Variants in GLS observed in about 807,000 individuals in gnomAD.
GLS encodes the protein glutaminase, also known as glutaminase kidney isoform, mitochondrial.
In GLS, 36 loss-of-function variants were observed where a neutral mutation model predicts 86.7. That is an observed-to-expected ratio of 0.42 (90% CI 0.32 to 0.55). GLS has a LOEUF of 0.55. GLS is among the 20% of genes least tolerant of loss of function. GLS has a pLI of 0.17. For synonymous variants in GLS, 317 were observed against 305.9 expected (o/e 1.04, Z -0.38); for missense variants, 528 against 833.4 (o/e 0.63, Z 4.51).
intron 14 of GLS, among the ~76,000 whole-genome samples, chr2:190,952,402 T>C (rs997910480): frequency 2.0e-5 from 3 of 152,214 alleles, no homozygotes; most frequent in Non-Finnish European, 2.9e-5. Flanking sequence ...AAGAGGGGGA[T>C]TGAATATTTT....
Position 190,895,936 on chromosome 2 carries a change from A to G in GLS, c.605+211A>G. ...TCTTTCTTTAAATCTGTTCTAAGCA[A>G]ATTTAGCCACCGATGTTTCCAGTTT... On this transcript the variant is annotated intron_variant, in intron 3 of 17. Transcript: ENST00000320717. The surrounding 1 kb of genome is among the most constrained non-coding windows in gnomAD (Gnocchi z 4.2). 1 of 334,108 alleles carries G rather than the reference A, an allele frequency of 3.0e-6. No individual in the cohort carries two copies. The highest frequency in any genetic ancestry group is 5.6e-6 in the Non-Finnish European group (1 of 178,692). The allele number at this position is 334,108 out of a possible 1,614,324, so 20.7% of individuals were successfully genotyped here. A position where few individuals can be genotyped will look rare whatever the true frequency, so the allele number is the denominator to read the frequency against.
In GLS at chr2:190,881,040, C is replaced by T; in HGVS notation, c.-45C>T. On this transcript the variant is annotated 5_prime_UTR_variant, in exon 1 of 18. Transcript: ENST00000320717. ...CCCGAGGAAACCGGCCGCCCACGCC[C>T]GGAGCATCCTCCCCTGTTGAGCGGG... 4.6e-6 allele frequency: 7 copies of T among 1,525,476 alleles called. No individual in the cohort carries two copies. The South Asian group carries it at 4.8e-5, about 10-fold the overall frequency. The allele number at this position is 1,525,476 out of a possible 1,614,324, so 94.5% of individuals were successfully genotyped here.
intron 14 of GLS, among the ~76,000 whole-genome samples, chr2:190,941,144 A>G (rs560634656): frequency 6.6e-6 from 1 of 152,296 alleles, no homozygotes; most frequent in East Asian, 1.9e-4. Flanking sequence ...TAGGATATGC[A>G]GTGAGTGGTT....
In GLS at chr2:190,954,876, A is replaced by T; in HGVS notation, c.1853+58A>T. Reference sequence around the variant, plus strand: ...GTATTTTATTATGCAGGACTGTAATATTCAAGTGATGATAATATTTCAACC... The same window carrying T: ...GTATTTTATTATGCAGGACTGTAATTTTCAAGTGATGATAATATTTCAACC... On this transcript the variant is annotated intron_variant, in intron 17 of 17. Transcript: ENST00000320717. The surrounding 1 kb of genome is among the most constrained non-coding windows in gnomAD (Gnocchi z 4.0). 1 of 1,104,428 alleles carries T rather than the reference A, an allele frequency of 9.1e-7. No homozygotes were observed. The highest frequency in any genetic ancestry group is 1.3e-6 in the Non-Finnish European group (1 of 752,624). 68.4% of individuals were successfully genotyped at this position (1,104,428 alleles called of 1,614,324 possible).
At chr2:190,944,249 GT>G (rs1298275967) in intron 14 of GLS, among the ~76,000 whole-genome samples, 9 of 147,956 alleles carry the variant, frequency 6.1e-5, no homozygotes, top group African/African-American at 2.2e-4. Flanking sequence ...TTCTCTTCCT[GT>G]CTTAAATTCG....
Position 190,905,410 on chromosome 2 carries a change from G to A in GLS, c.979+243G>A. 2.7e-6 allele frequency: 1 copy of A among 367,202 alleles called. No homozygotes were observed. Among genetic ancestry groups the A allele is most frequent in the Non-Finnish European group, 4.9e-6 (1 of 202,648 alleles). The allele number at this position is 367,202 out of a possible 1,614,324, so 22.7% of individuals were successfully genotyped here. A position where few individuals can be genotyped will look rare whatever the true frequency, so the allele number is the denominator to read the frequency against. The stretch of plus-strand genomic sequence containing the variant: ...TCATAACCACCTTTAGGGAAATATA[G>A]CGAAATCTCAAAATACATGAGATTT... On this transcript the variant is annotated intron_variant, in intron 6 of 17. Transcript: ENST00000320717. This position sits in a 1 kb window ranked among gnomAD's most constrained non-coding sequence, Gnocchi z 4.6.
rs1055946142 is a variant in GLS at position 190,880,827 on chromosome 2, G to A, written c.-258G>A. On this transcript the variant is annotated 5_prime_UTR_variant, in exon 1 of 18. Transcript: ENST00000320717. ...TCCCCTGCGCTTTAGCCTCAGTGCG[G>A]AGCCTTAGGCGGAGCGAAGAGAACC... The A allele has an allele frequency of 5.3e-5, 39 of 738,724 alleles. No individual in the cohort carries two copies. The highest frequency in any genetic ancestry group is 4.9e-4 in the African/African-American group (28 of 56,862). The allele number at this position is 738,724 out of a possible 1,614,324, so 45.8% of individuals were successfully genotyped here.
At chr2:190,932,588 A>C (rs768825248) in intron 14 of GLS, 9 of 622,436 alleles carry the variant, frequency 1.4e-5, no homozygotes, top group South Asian at 9.2e-5. Context: ...ACATGAAGCA[A>C]AATGTCAGAG....
At chr2:190,881,689 C>A (rs1057349434) in intron 1 of GLS, 4 of 460,518 alleles carry the variant, frequency 8.7e-6, no homozygotes, top group Non-Finnish European at 1.5e-5. Flanking sequence ...CTTCCCTTCT[C>A]CGCCCCCGGC....
intron 1 of GLS, chr2:190,881,819 G>T: frequency 4.7e-6 from 1 of 212,296 alleles, no homozygotes; most frequent in Non-Finnish European, 9.4e-6. Context: ...CGGCTGCAGC[G>T]CCTGGCCGCC....
intron 12 of GLS, 172 bp downstream of exon 12, chr2:190,927,654 CAGATGTTCTTA>C (rs2124908960): frequency 1.9e-6 from 1 of 523,058 alleles, no homozygotes; most frequent in South Asian, 2.6e-5. Flanking sequence ...TAAGGTCTAC[CAGATGTTCTTA>C]AGAACTTGGA....
At chr2:190,922,175 G>A (rs183810591) in intron 9 of GLS, among the ~76,000 whole-genome samples, 79 of 152,080 alleles carry the variant, frequency 5.2e-4, no homozygotes, top group African/African-American at 1.9e-3. Flanking sequence ...ACAATATGAG[G>A]GTGTGTTATA....
At chr2:190,948,510 G>C (rs553433772) in intron 14 of GLS, among the ~76,000 whole-genome samples, 2 of 152,278 alleles carry the variant, frequency 1.3e-5, no homozygotes, top group Admixed American at 1.3e-4. Context: ...CTTCAAACGA[G>C]CATGGTCTAA....
Position 190,897,875 on chromosome 2 carries a change from C to T in GLS, c.605+2150C>T, listed in dbSNP as rs369018575. ...GTAGATTAATATTTTTAGACTTTTT[C>T]GGTAATCTGAGAAAACTATTATGTG... On this transcript the variant is annotated intron_variant, in intron 3 of 17. Coordinates refer to ENST00000320717, the MANE Select transcript of GLS (RefSeq NM_014905.5). This position sits in a 1 kb window ranked among gnomAD's most constrained non-coding sequence, Gnocchi z 4.3. 6.6e-6 allele frequency among the ~76,000 whole-genome samples: 1 copy of T among 152,016 alleles called. No individual in the cohort carries two copies. The highest frequency in any genetic ancestry group is 6.6e-5 in the Admixed American group (1 of 15,258).
In GLS at chr2:190,930,593, T is replaced by C. The variant is rs765804399; in HGVS notation, c.1557+25T>C. The C allele has an allele frequency of 4.4e-6, 7 of 1,591,396 alleles. No homozygotes were observed. The Admixed American group carries it at 1.1e-4, about 24-fold the overall frequency. On this transcript the variant is annotated intron_variant, in intron 13 of 17. Transcript: ENST00000320717. This position sits in a 1 kb window ranked among gnomAD's most constrained non-coding sequence, Gnocchi z 5.0. The stretch of plus-strand genomic sequence containing the variant: ...CGTAAGCATATTTTCTTAATGTAAA[T>C]AATGGTGTTACAAGTTGAGCCATCC...
At chr2:190,881,601 CCTGCGCCGT>C (rs1244551584) in intron 1 of GLS, 131 bp downstream of exon 1, 1 of 884,368 alleles carries the variant, frequency 1.1e-6, no homozygotes, top group Non-Finnish European at 1.6e-6. Flanking sequence ...TGCCGGGCGG[CCTGCGCCGT>C]CTGCGCCATG....
chr2:190,900,627 C>T lies in GLS; in HGVS notation c.669C>T (p.Asp223=). 6.2e-7 allele frequency: 1 copy of T among 1,603,190 alleles called. No individual in the cohort carries two copies. The highest frequency in any genetic ancestry group is 8.5e-7 in the Non-Finnish European group (1 of 1,170,642). The change falls in exon 4 of 18, where the codon GAC becomes GAT. Residue 223 remains aspartate, a synonymous_variant. Transcript: ENST00000320717. Reference sequence around the variant, plus strand: ...TTAGAAGAAAGTTTGTGATTCCTGACTTTATGTCTTTTACCTCACACATTG... The same window carrying T: ...TTAGAAGAAAGTTTGTGATTCCTGATTTTATGTCTTTTACCTCACACATTG... ...QAFRRKFVIP[D]FMSFTSHIDE...
intron 12 of GLS, among the ~76,000 whole-genome samples, chr2:190,928,480 G>A (rs867053736): frequency 3.2e-4 from 49 of 151,532 alleles, no homozygotes; most frequent in African/African-American, 1.1e-3. Context: ...GATTACAGGC[G>A]CCTGCCACTG....
intron 9 of GLS, among the ~76,000 whole-genome samples, chr2:190,923,648 A>C (rs1689814300): frequency 6.6e-6 from 1 of 152,208 alleles, no homozygotes; most frequent in African/African-American, 2.4e-5. Context: ...TAAAATTAGC[A>C]TTTTTGTTTA....
Sources: gnomAD v4.1 joint callset for allele counts (sites outside exome capture counted in the v4.1 genomes callset) on GRCh38, gnomAD v4.1.1 for gene constraint, Gnocchi (gnomAD v3.1) non-coding constraint, MANE v1.5 for transcripts, NCBI Gene and HGNC (gene_info 2026-07-23, HGNC 2026-07-21) for gene names.